The following SYT1 variants were observed in gnomAD, a reference collection of about 807,000 sequenced individuals.
SYT1 encodes synaptotagmin-1.
A neutral mutation model predicts 44.8 loss-of-function variants in SYT1; 8 were observed. The ratio of observed to expected loss-of-function variants is 0.18; its 90% confidence interval spans 0.10 to 0.32. The LOEUF (loss-of-function observed/expected upper bound fraction) is 0.32. Among genes scored for constraint, SYT1 ranks in the 10% least tolerant of loss-of-function variants. The probability of loss-of-function intolerance (pLI) is 1.00; values close to 1 mark genes in which losing one functional copy is unlikely to be tolerated. For missense variants in SYT1, 286 were observed against 509.3 expected, an observed-to-expected ratio of 0.56 and a Z score of 4.22; for synonymous variants, 154 against 188.8, an observed-to-expected ratio of 0.82 and a Z score of 1.51.
intron 4 of SYT1, among the ~76,000 whole-genome samples, chr12:79,268,373 G>A (rs573496388): frequency 1.1e-3 from 171 of 152,290 alleles, no homozygotes; most frequent in African/African-American, 4.0e-3. Context: ...ATTAACCATG[G>A]ATTAATCATT....
At chr12:79,101,987 G>A (rs965832744) in intron 3 of SYT1, among the ~76,000 whole-genome samples, 1 of 152,030 alleles carries the variant, frequency 6.6e-6, no homozygotes, top group Non-Finnish European at 1.5e-5. Context: ...TTGCGTTCAA[G>A]ACAGATCACA....
At chr12:79,025,181 T>C (rs1872448666) in intron 2 of SYT1, among the ~76,000 whole-genome samples, 1 of 151,830 alleles carries the variant, frequency 6.6e-6, no homozygotes, top group African/African-American at 2.4e-5. Context: ...ACGTGATACA[T>C]GTATTAAACA....
intron 1 of SYT1, among the ~76,000 whole-genome samples, chr12:78,967,928 A>G (rs138405908): frequency 2.0e-5 from 3 of 152,302 alleles, no homozygotes; most frequent in African/African-American, 7.2e-5. Flanking sequence ...ACAAAGAGTG[A>G]AAAGAAGCTC....
At chr12:79,263,185 G>A (rs1045370357) in intron 4 of SYT1, among the ~76,000 whole-genome samples, 1 of 151,906 alleles carries the variant, frequency 6.6e-6, no homozygotes, top group Non-Finnish European at 1.5e-5. Context: ...CTCGCATTCT[G>A]GGGTGAGTGC....
chr12:79,356,593 C>T (rs568621026), intron 9 of SYT1, among the ~76,000 whole-genome samples: 1 of 152,192 alleles, frequency 6.6e-6, no homozygotes, highest in African/African-American at 2.4e-5. Context: ...ATAATAAGAT[C>T]ATTCCAGGTA....
chr12:79,319,335 G>T (rs7299991), intron 8 of SYT1, among the ~76,000 whole-genome samples: 1,597 of 152,196 alleles, frequency 0.01, 30 homozygotes, highest in African/African-American at 0.036. Context: ...ACAACACTGT[G>T]GGGTAGGCGC....
intron 8 of SYT1, among the ~76,000 whole-genome samples, chr12:79,351,621 A>T (rs1027349757): frequency 1.3e-5 from 2 of 151,892 alleles, no homozygotes; most frequent in African/African-American, 4.8e-5. Flanking sequence ...CATAAAGTTC[A>T]GATAAATTTG....
chr12:78,881,788 AAAG>A (rs1331441024), intron 1 of SYT1, among the ~76,000 whole-genome samples: 6 of 151,508 alleles, frequency 4.0e-5, no homozygotes, highest in Non-Finnish European at 5.9e-5. Context: ...AGAGGAGATA[AAAG>A]AAGAAGAGTA....
intron 2 of SYT1, among the ~76,000 whole-genome samples, chr12:79,008,077 A>G (rs527792008): frequency 1.3e-5 from 2 of 152,234 alleles, no homozygotes; most frequent in East Asian, 3.9e-4. Flanking sequence ...GAGGGGAAAC[A>G]TGAAGATAAA....
At position 78,907,164 on chromosome 12, in the gene SYT1, T is replaced by C. The variant is rs144413933; in HGVS notation, c.-217+42055T>C. 1.3e-4 allele frequency among the ~76,000 whole-genome samples: 20 copies of C among 152,062 alleles called. No individual in the cohort carries two copies. The East Asian group carries it at 2.3e-3, about 18-fold the overall frequency. The stretch of plus-strand genomic sequence containing the variant: ...AAACATTATCTTCAGTTGGGTGTCA[T>C]GTTTCCCATTTTAAAAGAAGAAAAA... On this transcript the variant is annotated intron_variant, in intron 1 of 10. Coordinates refer to ENST00000261205, the MANE Select transcript of SYT1 (RefSeq NM_005639.3).
chr12:78,889,214 G>C (rs534820658), intron 1 of SYT1, among the ~76,000 whole-genome samples: 1 of 151,824 alleles, frequency 6.6e-6, no homozygotes, highest in African/African-American at 2.4e-5. Flanking sequence ...TTTCTTCAAG[G>C]GTTTCAGAGA....
chr12:78,995,003 T>A (rs1279168033), intron 2 of SYT1, among the ~76,000 whole-genome samples: 1 of 152,100 alleles, frequency 6.6e-6, no homozygotes, highest in Non-Finnish European at 1.5e-5. Flanking sequence ...AGTAGGGAAA[T>A]TCATGGAAGC....
intron 3 of SYT1, among the ~76,000 whole-genome samples, chr12:79,133,137 T>C (rs1363201610): frequency 2.0e-5 from 3 of 152,082 alleles, no homozygotes; most frequent in African/African-American, 7.2e-5. Context: ...ATGAGATAGA[T>C]AGATAGAAGG....
intron 2 of SYT1, among the ~76,000 whole-genome samples, chr12:79,040,024 G>T (rs1261930374): frequency 6.6e-6 from 1 of 151,420 alleles, no homozygotes; most frequent in Non-Finnish European, 1.5e-5. Flanking sequence ...GTCTATCATT[G>T]TTGGACATTT....
intron 9 of SYT1, among the ~76,000 whole-genome samples, chr12:79,395,546 T>G (rs1217609453): frequency 1.3e-5 from 2 of 152,050 alleles, no homozygotes; most frequent in Non-Finnish European, 2.9e-5. Context: ...TTACGGATTT[T>G]GTTTTTTGGC....
At chr12:78,981,696 C>A (rs1341227612) in intron 2 of SYT1, among the ~76,000 whole-genome samples, 1 of 152,130 alleles carries the variant, frequency 6.6e-6, no homozygotes, top group Non-Finnish European at 1.5e-5. Flanking sequence ...ATCAAGTGAA[C>A]CAAATTTACC....
rs185422273 is a variant in SYT1 at position 78,877,483 on chromosome 12, T to C, written c.-217+12374T>C. On this transcript the variant is annotated intron_variant, in intron 1 of 10. Coordinates refer to ENST00000261205, the MANE Select transcript of SYT1 (RefSeq NM_005639.3). ...AATGAGTAAATCCAGTAACTCTATA[T>C]TTTCTAACATTTTTAACTGGCATCC... is the stretch of plus-strand genomic sequence containing the variant. Among the ~76,000 whole-genome samples, 29 of 151,800 alleles carry C rather than the reference T, an allele frequency of 1.9e-4. No homozygotes were observed. The East Asian group carries it at 4.7e-3, about 24-fold the overall frequency.
At chr12:79,274,063 A>T (rs2138781559) in intron 4 of SYT1, among the ~76,000 whole-genome samples, 1 of 152,330 alleles carries the variant, frequency 6.6e-6, no homozygotes, top group South Asian at 2.1e-4. Flanking sequence ...CAGCCTGGCG[A>T]CAAAGCAAGA....
intron 9 of SYT1, among the ~76,000 whole-genome samples, chr12:79,410,470 G>A (rs1868368229): frequency 7.8e-6 from 1 of 128,890 alleles, no homozygotes; most frequent in South Asian, 2.6e-4. Context: ...CACTACAGAT[G>A]CAGACTTAAA....
Sources: gnomAD v4.1 joint callset for allele counts (sites outside exome capture counted in the v4.1 genomes callset) on GRCh38, gnomAD v4.1.1 for gene constraint, MANE v1.5 for transcripts, NCBI Gene and HGNC (gene_info 2026-07-23, HGNC 2026-07-21) for gene names.